The following UVRAG variants were observed in gnomAD, a reference collection of about 807,000 sequenced individuals.
The protein encoded by UVRAG is UV radiation resistance-associated gene protein.
UVRAG carries 19 observed loss-of-function variants against 78.0 expected under a neutral mutation model. The ratio of observed to expected loss-of-function variants is 0.24; its 90% CI spans 0.17 to 0.36. The LOEUF is 0.36. Among genes scored for constraint, UVRAG ranks in the 10% least tolerant of loss-of-function variants. UVRAG has a pLI of 1.00. For synonymous variants in UVRAG, 323 were observed against 324.6 expected (o/e 1.00, Z 0.05); for missense variants, 740 against 853.8 (o/e 0.87, Z 1.66).
At chr11:76,084,294 T>A (rs1384429585) in intron 13 of UVRAG, among the ~76,000 whole-genome samples, 1 of 152,230 alleles carries the variant, frequency 6.6e-6, no homozygotes, top group Non-Finnish European at 1.5e-5. Flanking sequence ...CTTTACATCT[T>A]CCATCAGTGC....
At chr11:76,115,140 C>T (rs1952153311) in intron 13 of UVRAG, among the ~76,000 whole-genome samples, 1 of 152,112 alleles carries the variant, frequency 6.6e-6, no homozygotes, top group South Asian at 2.1e-4. Flanking sequence ...CTCAGAGACA[C>T]AGTGAAAGGA....
At chr11:76,011,137 C>T (rs1950043120) in intron 11 of UVRAG, among the ~76,000 whole-genome samples, 1 of 152,102 alleles carries the variant, frequency 6.6e-6, no homozygotes, top group African/African-American at 2.4e-5. Flanking sequence ...TTACAATGCC[C>T]AACAAGCTGA....
chr11:76,125,560 C>G (rs1952370259), intron 14 of UVRAG, among the ~76,000 whole-genome samples: 1 of 152,196 alleles, frequency 6.6e-6, no homozygotes, highest in African/African-American at 2.4e-5. Flanking sequence ...GGATGGAGAA[C>G]AGCTGGCCAA....
intron 5 of UVRAG, among the ~76,000 whole-genome samples, chr11:75,907,961 T>C (rs1367093959): frequency 6.6e-6 from 1 of 152,218 alleles, no homozygotes; most frequent in East Asian, 1.9e-4. Flanking sequence ...GTATACAGTT[T>C]AGTGGCATTA....
intron 13 of UVRAG, among the ~76,000 whole-genome samples, chr11:76,092,264 T>A (rs1468860070): frequency 6.6e-6 from 1 of 152,198 alleles, no homozygotes; most frequent in African/African-American, 2.4e-5. Flanking sequence ...TGGTTCCAAG[T>A]CTTTGCTATT....
At chr11:75,970,533 C>A (rs1949103034) in intron 7 of UVRAG, among the ~76,000 whole-genome samples, 1 of 152,186 alleles carries the variant, frequency 6.6e-6, no homozygotes. Flanking sequence ...GAGATCAAGA[C>A]CATCCTGGCT....
At chr11:76,043,251 GA>G (rs1290649787) in intron 12 of UVRAG, among the ~76,000 whole-genome samples, 1 of 152,034 alleles carries the variant, frequency 6.6e-6, no homozygotes, top group African/African-American at 2.4e-5. Flanking sequence ...AAAAAAGGAA[GA>G]AAAAGTATCA....
intron 3 of UVRAG, among the ~76,000 whole-genome samples, chr11:75,865,319 G>C (rs76732938): frequency 7.1e-6 from 1 of 140,770 alleles, no homozygotes. Flanking sequence ...AGATAAAAAA[G>C]AGTGTTTTCC....
chr11:75,965,268 A>G (rs1458203197), intron 7 of UVRAG, among the ~76,000 whole-genome samples: 8 of 152,142 alleles, frequency 5.3e-5, no homozygotes. Context: ...TTCTCTTTAT[A>G]ATGTTGTAGC....
At chr11:75,874,799 T>G (rs897794378) in intron 3 of UVRAG, among the ~76,000 whole-genome samples, 2 of 152,234 alleles carry the variant, frequency 1.3e-5, no homozygotes, top group Non-Finnish European at 2.9e-5. Flanking sequence ...AACTGAAGAT[T>G]CTGAGACACA....
At position 75,961,521 on chromosome 11, in the gene UVRAG, T is replaced by G. The variant is rs1329827564; in HGVS notation, c.671T>G (p.Leu224Arg). ...QKIGKEIEEKLRLTSTSNELK... is the reference protein window; with the variant it reads ...QKIGKEIEEKRRLTSTSNELK... Reference sequence around the variant, plus strand: ...ATTGGAAAGGAAATTGAAGAAAAACTAAGACTCACATCTACAAGCAATGAA... The same window carrying G: ...ATTGGAAAGGAAATTGAAGAAAAACGAAGACTCACATCTACAAGCAATGAA... Residue 224 changes from leucine to arginine, a missense_variant, in exon 7 of 15, where the codon CTA becomes CGA. Leu to Arg is a moderately radical substitution (Grantham distance 102, BLOSUM62 -2). Coordinates refer to ENST00000356136, the MANE Select transcript of UVRAG (RefSeq NM_003369.4). 1 of 1,606,468 alleles carries G rather than the reference T, an allele frequency of 6.2e-7. No homozygotes were observed. The highest frequency in any genetic ancestry group is 1.3e-5 in the African/African-American group (1 of 74,456).
intron 12 of UVRAG, among the ~76,000 whole-genome samples, chr11:76,036,379 C>T (rs901586703): frequency 2.0e-5 from 3 of 151,850 alleles, no homozygotes; most frequent in Admixed American, 1.3e-4. Context: ...ACTGAAACCC[C>T]ATCCCTAAAA....
chr11:75,877,684 T>C (rs1409138872), intron 3 of UVRAG, among the ~76,000 whole-genome samples: 5 of 110,380 alleles, frequency 4.5e-5, no homozygotes, highest in Non-Finnish European at 3.8e-5. Context: ...TAGGGGCGGC[T>C]GGGCAGAGGC....
chr11:76,125,699 G>A (rs1217283873), intron 14 of UVRAG, among the ~76,000 whole-genome samples: 2 of 152,008 alleles, frequency 1.3e-5, no homozygotes, highest in Non-Finnish European at 2.9e-5. Context: ...GTTTTTACTT[G>A]GGTCTTCTTT....
chr11:76,085,774 G>A (rs1358460806), intron 13 of UVRAG, among the ~76,000 whole-genome samples: 1 of 152,164 alleles, frequency 6.6e-6, no homozygotes, highest in Non-Finnish European at 1.5e-5. Flanking sequence ...TCAGTGGAAG[G>A]CACATTTAGC....
chr11:76,143,804 C>A lies in UVRAG; in HGVS notation c.*2391C>A, dbSNP rs1005507696. 6.6e-6 allele frequency among the ~76,000 whole-genome samples: 1 copy of A among 152,210 alleles called. No individual in the cohort carries two copies. The highest frequency in any genetic ancestry group is 2.4e-5 in the African/African-American group (1 of 41,450). Reference sequence around the variant, plus strand: ...ATAAGGGATGAGTTATTATCTCCTACTAACCTTTTAGTTTTGTAAATCACT... The same window carrying A: ...ATAAGGGATGAGTTATTATCTCCTAATAACCTTTTAGTTTTGTAAATCACT... On this transcript the variant is annotated 3_prime_UTR_variant, in exon 15 of 15. Transcript: ENST00000356136.
intron 14 of UVRAG, among the ~76,000 whole-genome samples, chr11:76,122,812 C>T (rs1952309751): frequency 6.6e-6 from 1 of 152,202 alleles, no homozygotes; most frequent in Non-Finnish European, 1.5e-5. Flanking sequence ...TGTTTGCCTA[C>T]AAACTTTTTT....
intron 13 of UVRAG, among the ~76,000 whole-genome samples, chr11:76,101,203 C>T (rs974353679): frequency 2.0e-5 from 3 of 152,104 alleles, no homozygotes; most frequent in African/African-American, 7.2e-5. Flanking sequence ...AACTAATTTA[C>T]ACTCCTGCCA....
At chr11:75,963,190 AAGGCG>A (rs1948940713) in intron 7 of UVRAG, among the ~76,000 whole-genome samples, 1 of 152,162 alleles carries the variant, frequency 6.6e-6, no homozygotes, top group African/African-American at 2.4e-5. Flanking sequence ...TAAGCTCTAT[AAGGCG>A]AGGGGTTTTT....
Sources: gnomAD v4.1 joint callset for allele counts (sites outside exome capture counted in the v4.1 genomes callset) on GRCh38, gnomAD v4.1.1 for gene constraint, MANE v1.5 for transcripts, NCBI Gene and HGNC (gene_info 2026-07-23, HGNC 2026-07-21) for gene names.